CRACD: variants seen among roughly 807,000 people sequenced by gnomAD.
CRACD encodes capping protein-inhibiting regulator of actin dynamics.
A neutral mutation model predicts 106.8 loss-of-function variants in CRACD; 56 were observed. The observed-to-expected ratio is 0.52, with a 90% CI of 0.42 to 0.66. CRACD has a LOEUF of 0.66. Ranked by LOEUF, CRACD falls within the 30% of genes least tolerant of loss-of-function variation. The pLI is 0.00. For synonymous variants in CRACD, 754 were observed against 670.8 expected (o/e 1.12, Z -1.92); for missense variants, 1,730 against 1,623.2 (o/e 1.07, Z -1.13).
intron 1 of CRACD, among the ~76,000 whole-genome samples, chr4:56,128,072 A>G (rs1734715244): frequency 1.3e-5 from 2 of 152,032 alleles, no homozygotes; most frequent in African/African-American, 4.8e-5. Context: ...AGCGAAATAA[A>G]ATGGGAGTCG....
chr4:56,313,348 G>A lies in CRACD; in HGVS notation c.506G>A (p.Arg169Lys). Residue 169 changes from arginine to lysine, a missense_variant, in exon 7 of 11, where the codon AGG becomes AAG. Transcript: ENST00000682029. ...CTGGCTGTTAAGCCAAAAAAACAGA[G>A]GGTGTCAAAGAAGCACAGGCGCCTT... ...HKLAVKPKKQ[R>K]VSKKHRRLAQ... is the part of the protein sequence containing the mutation. 6.2e-7 allele frequency: 1 copy of A among 1,614,120 alleles called. No individual in the cohort carries two copies. The highest frequency in any genetic ancestry group is 8.5e-7 in the Non-Finnish European group (1 of 1,180,034).
At chr4:56,127,486 A>C (rs2109861307) in intron 1 of CRACD, among the ~76,000 whole-genome samples, 1 of 152,172 alleles carries the variant, frequency 6.6e-6, no homozygotes, top group East Asian at 1.9e-4. Context: ...AAAAAGGATA[A>C]ATTTTTTTGT....
intron 3 of CRACD, among the ~76,000 whole-genome samples, chr4:56,283,573 C>G (rs1743157558): frequency 1.3e-5 from 2 of 152,146 alleles, no homozygotes; most frequent in African/African-American, 4.8e-5. Flanking sequence ...CACATGTTCT[C>G]CCCTAGGACT....
intron 2 of CRACD, among the ~76,000 whole-genome samples, chr4:56,235,889 C>T (rs1002587577): frequency 1.5e-4 from 23 of 152,124 alleles, no homozygotes; most frequent in Non-Finnish European, 1.2e-4. Context: ...CTTTCTCTGG[C>T]CAGAGTTTTA....
At chr4:56,306,087 C>T (rs73163663) in intron 4 of CRACD, among the ~76,000 whole-genome samples, 24 of 152,270 alleles carry the variant, frequency 1.6e-4, no homozygotes, top group African/African-American at 5.8e-4. Context: ...TAAGCTTGGG[C>T]CAGTCACCTC....
intron 1 of CRACD, among the ~76,000 whole-genome samples, chr4:56,070,429 A>G (rs1391628965): frequency 1.3e-5 from 2 of 151,944 alleles, no homozygotes; most frequent in Non-Finnish European, 2.9e-5. Context: ...CCTCCCGAGT[A>G]GCTGGGACTA....
chr4:56,154,158 GAGA>G, intron 1 of CRACD, among the ~76,000 whole-genome samples: 2 of 152,260 alleles, frequency 1.3e-5, no homozygotes, highest in South Asian at 4.1e-4. Context: ...TTGAGGTATG[GAGA>G]AGAAGATTTA....
chr4:56,213,001 G>C (rs762390224), intron 2 of CRACD, among the ~76,000 whole-genome samples: 1 of 147,270 alleles, frequency 6.8e-6, no homozygotes, highest in Non-Finnish European at 1.5e-5. Context: ...AGAGCTTACC[G>C]TGCCCCAGTT....
intron 2 of CRACD, among the ~76,000 whole-genome samples, chr4:56,271,099 C>T (rs1189562061): frequency 1.4e-5 from 2 of 147,876 alleles, no homozygotes; most frequent in South Asian, 4.3e-4. Flanking sequence ...GAGTGAAACT[C>T]CATCTCAAAA....
At chr4:56,188,183 A>C (rs1416787081) in intron 2 of CRACD, among the ~76,000 whole-genome samples, 1 of 152,224 alleles carries the variant, frequency 6.6e-6, no homozygotes, top group African/African-American at 2.4e-5. Context: ...TTTTATATTA[A>C]GGACTTGGAT....
At chr4:56,260,781 C>T (rs1003037785) in intron 2 of CRACD, among the ~76,000 whole-genome samples, 11 of 152,266 alleles carry the variant, frequency 7.2e-5, no homozygotes, top group Admixed American at 2.0e-4. Context: ...GATAATTTTG[C>T]CCTATGGATG....
intron 2 of CRACD, among the ~76,000 whole-genome samples, chr4:56,184,166 G>A (rs1736984380): frequency 6.6e-6 from 1 of 152,164 alleles, no homozygotes; most frequent in Admixed American, 6.5e-5. Flanking sequence ...CGCCTCCCAG[G>A]TTCAAGTGAT....
chr4:56,051,988 T>C (rs749236208), intron 1 of CRACD, among the ~76,000 whole-genome samples: 1 of 152,252 alleles, frequency 6.6e-6, no homozygotes, highest in Non-Finnish European at 1.5e-5. Flanking sequence ...TAGTACAAAC[T>C]AAGCACTCAG....
At chr4:56,236,085 TTAAA>T (rs1264857810) in intron 2 of CRACD, among the ~76,000 whole-genome samples, 1 of 152,152 alleles carries the variant, frequency 6.6e-6, no homozygotes, top group Admixed American at 6.5e-5. Flanking sequence ...ACCTTACTTA[TTAAA>T]AACAGGGTCT....
rs1253444703 is a variant in CRACD at position 56,300,068 on chromosome 4, G to T, written c.120+1719G>T. ...CAGGAGAATCACTTGAACCCGGGAG[G>T]TGGAGGTTGCAGTGAGCCAGGATTG... On this transcript the variant is annotated intron_variant, in intron 4 of 10. Coordinates refer to ENST00000682029, the MANE Select transcript of CRACD (RefSeq NM_001393381.1). Among the ~76,000 whole-genome samples the T allele has an allele frequency of 3.9e-5, 6 of 152,098 alleles. No individual in the cohort carries two copies. The East Asian group carries it at 1.2e-3, about 29-fold the overall frequency.
At chr4:56,134,898 A>G (rs1734946536) in intron 1 of CRACD, among the ~76,000 whole-genome samples, 1 of 152,040 alleles carries the variant, frequency 6.6e-6, no homozygotes, top group South Asian at 2.1e-4. Context: ...CTTGACCTGT[A>G]TCTATGATTC....
chr4:56,070,301 A>ATT (rs56087277), intron 1 of CRACD, among the ~76,000 whole-genome samples: 13,485 of 133,496 alleles, frequency 0.1, 1,104 homozygotes, highest in African/African-American at 0.22. Context: ...GTCCTTGCCC[A>ATT]TTTTTTTTTT....
chr4:56,205,412 A>G (rs1738075010), intron 2 of CRACD, among the ~76,000 whole-genome samples: 1 of 152,192 alleles, frequency 6.6e-6, no homozygotes, highest in Non-Finnish European at 1.5e-5. Context: ...TTGAGGTGGT[A>G]CAGAGACCAC....
At chr4:56,240,653 C>T (rs751080889) in intron 2 of CRACD, among the ~76,000 whole-genome samples, 5 of 152,128 alleles carry the variant, frequency 3.3e-5, no homozygotes, top group African/African-American at 1.2e-4. Context: ...TACAAGCATG[C>T]GCCATCACAC....
Sources: gnomAD v4.1 joint callset for allele counts (sites outside exome capture counted in the v4.1 genomes callset) on GRCh38, gnomAD v4.1.1 for gene constraint, MANE v1.5 for transcripts, NCBI Gene and HGNC (gene_info 2026-07-23, HGNC 2026-07-21) for gene names.